KHDRBS2: variants seen among roughly 807,000 people sequenced by gnomAD.
KHDRBS2 encodes the protein KH domain-containing, RNA-binding, signal transduction-associated protein 2.
KHDRBS2 carries 26 observed loss-of-function variants against 44.3 expected under a neutral mutation model. The observed-to-expected ratio is 0.59, with a 90% CI of 0.43 to 0.81. The LOEUF (loss-of-function observed/expected upper bound fraction) is 0.81. Ranked by LOEUF, KHDRBS2 falls within the 40% of genes least tolerant of loss-of-function variation. KHDRBS2 has a pLI of 0.00. For missense variants in KHDRBS2, 476 were observed against 433.1 expected, an observed-to-expected ratio of 1.10 and a Z score of -0.88; for synonymous variants, 194 against 151.1, an observed-to-expected ratio of 1.28 and a Z score of -2.08.
chr6:61,640,338 C>A, the KHDRBS2 span, among the ~76,000 whole-genome samples: 2 of 151,902 alleles, frequency 1.3e-5, no homozygotes, highest in Non-Finnish European at 2.9e-5. Flanking sequence ...AGTAAAATGC[C>A]GTAGAATAAT....
chr6:61,660,856 T>G, the KHDRBS2 span, among the ~76,000 whole-genome samples: 1 of 151,886 alleles, frequency 6.6e-6, no homozygotes, highest in African/African-American at 2.4e-5. Flanking sequence ...AGAGCCATCA[T>G]GTATGGTGGA....
chr6:61,834,663 G>A (rs1792367434), intron 6 of KHDRBS2, among the ~76,000 whole-genome samples: 1 of 151,960 alleles, frequency 6.6e-6, no homozygotes, highest in East Asian at 1.9e-4. Context: ...CCTTCTCTGG[G>A]TTGTTTGTAT....
chr6:61,940,587 T>A (rs1583622317), intron 4 of KHDRBS2, among the ~76,000 whole-genome samples: 1 of 152,280 alleles, frequency 6.6e-6, no homozygotes, highest in Admixed American at 6.5e-5. Flanking sequence ...TCACCACTCC[T>A]GGTCAGAATT....
chr6:61,848,493 ATATATATATATATATATGTATATATG>A (rs1562293674), intron 6 of KHDRBS2, among the ~76,000 whole-genome samples: 1 of 48,276 alleles, frequency 2.1e-5, no homozygotes, highest in East Asian at 4.3e-4. Flanking sequence ...ATATATATGT[ATATATATATATATATATGTATATATG>A]TATATATATA....
chr6:62,129,326 A>G (rs1809706789), intron 2 of KHDRBS2, among the ~76,000 whole-genome samples: 1 of 152,146 alleles, frequency 6.6e-6, no homozygotes, highest in Admixed American at 6.6e-5. Context: ...CATTGTAAGT[A>G]CTCTGACAAC....
chr6:62,174,112 C>T (rs1020370116), intron 2 of KHDRBS2, among the ~76,000 whole-genome samples: 5 of 151,558 alleles, frequency 3.3e-5, no homozygotes, highest in African/African-American at 1.2e-4. Context: ...AGGGAGAAAG[C>T]CAAACTATCC....
chr6:62,241,318 A>G (rs1340691959), intron 1 of KHDRBS2, among the ~76,000 whole-genome samples: 1 of 152,232 alleles, frequency 6.6e-6, no homozygotes, highest in Non-Finnish European at 1.5e-5. Context: ...TAAAAACACC[A>G]ATAACTGTCT....
intron 6 of KHDRBS2, among the ~76,000 whole-genome samples, chr6:61,832,447 T>C (rs1035416531): frequency 6.6e-6 from 1 of 152,164 alleles, no homozygotes; most frequent in Non-Finnish European, 1.5e-5. Context: ...AATAATTTGA[T>C]AAGGTAAATA....
the KHDRBS2 span, among the ~76,000 whole-genome samples, chr6:61,606,141 T>TA: frequency 6.6e-6 from 1 of 152,110 alleles, no homozygotes; most frequent in South Asian, 2.1e-4. Context: ...CCAAATCTTA[T>TA]AAAAAGGCCC....
chr6:61,882,437 G>C (rs1235010590), intron 6 of KHDRBS2, among the ~76,000 whole-genome samples: 1 of 151,962 alleles, frequency 6.6e-6, no homozygotes, highest in Non-Finnish European at 1.5e-5. Flanking sequence ...TCTCCATTTG[G>C]TTTCTAAGCA....
chr6:61,814,335 G>T (rs1788568584), intron 6 of KHDRBS2, among the ~76,000 whole-genome samples: 1 of 152,164 alleles, frequency 6.6e-6, no homozygotes, highest in African/African-American at 2.4e-5. Flanking sequence ...TATGTGGCCG[G>T]GAGCGGTGGC....
At chr6:61,542,701 G>T in the KHDRBS2 span, among the ~76,000 whole-genome samples, 1 of 151,870 alleles carries the variant, frequency 6.6e-6, no homozygotes, top group Admixed American at 6.6e-5. Context: ...AAATCAGAGT[G>T]TTTATTATTT....
At chr6:61,871,799 A>T (rs1281918811) in intron 6 of KHDRBS2, among the ~76,000 whole-genome samples, 1 of 152,214 alleles carries the variant, frequency 6.6e-6, no homozygotes, top group African/African-American at 2.4e-5. Flanking sequence ...ACAGAAAAGC[A>T]AATGAGGAGA....
intron 7 of KHDRBS2, among the ~76,000 whole-genome samples, chr6:61,728,659 GTTAAAC>G (rs924339966): frequency 5.9e-5 from 9 of 152,076 alleles, no homozygotes; most frequent in Non-Finnish European, 1.0e-4. Flanking sequence ...GTGCTGGAGA[GTTAAAC>G]TTAAATTTCA....
chr6:61,631,335 A>AAAAAAAAAAAAAAAAG, the KHDRBS2 span, among the ~76,000 whole-genome samples: 35 of 104,738 alleles, frequency 3.3e-4, 6 homozygotes, highest in South Asian at 6.9e-4. Flanking sequence ...AAAAAAAAAA[A>AAAAAAAAAAAAAAAAG]AAGACAATAC....
rs144414447 is a variant in KHDRBS2 at position 61,845,588 on chromosome 6, G to A, written c.810+49047C>T. Among the ~76,000 whole-genome samples the A allele has an allele frequency of 1.2e-3, 185 of 152,264 alleles. 4 individuals carry two copies. In the South Asian group the frequency reaches 0.022, roughly 18 times the overall value. Reference sequence around the variant, plus strand: ...CTCCCAAAATGCTGGGATTACAGGCGTGAGCCTCTGCACACGGCCCAATGA... The same window carrying A: ...CTCCCAAAATGCTGGGATTACAGGCATGAGCCTCTGCACACGGCCCAATGA... On this transcript the variant is annotated intron_variant, in intron 6 of 8. Coordinates refer to ENST00000281156, the MANE Select transcript of KHDRBS2 (RefSeq NM_152688.4).
intron 7 of KHDRBS2, among the ~76,000 whole-genome samples, chr6:61,708,327 A>G (rs978047205): frequency 2.0e-5 from 3 of 151,664 alleles, no homozygotes; most frequent in African/African-American, 4.8e-5. Flanking sequence ...TTACTCAAAA[A>G]TTGAAAAATT....
intron 1 of KHDRBS2, among the ~76,000 whole-genome samples, chr6:62,252,090 T>C (rs920732652): frequency 1.3e-5 from 2 of 151,870 alleles, no homozygotes; most frequent in African/African-American, 4.8e-5. Context: ...AGAGGTATAA[T>C]AAAATTTTTA....
intron 6 of KHDRBS2, among the ~76,000 whole-genome samples, chr6:61,820,776 C>T (rs1276756018): frequency 2.6e-5 from 4 of 151,948 alleles, no homozygotes; most frequent in African/African-American, 9.7e-5. Context: ...ATGGTCTTCT[C>T]CATGCATGTG....
Sources: allele counts gnomAD v4.1 joint callset (sites outside exome capture counted in the v4.1 genomes callset), GRCh38; gene constraint gnomAD v4.1.1; transcripts MANE v1.5; gene names NCBI Gene and HGNC (gene_info 2026-07-23, HGNC 2026-07-21).